Variants in TMEM87A observed in about 807,000 individuals in gnomAD.
TMEM87A encodes the protein transmembrane protein 87A.
Under a neutral mutation model 90.0 loss-of-function variants are expected in TMEM87A, and 50 were observed. The ratio of observed to expected loss-of-function variants is 0.56; its 90% CI spans 0.44 to 0.70. The LOEUF is 0.70. Among genes scored for constraint, TMEM87A ranks in the 30% least tolerant of loss-of-function variants. TMEM87A has a pLI of 0.00. For missense variants in TMEM87A, 577 were observed against 660.5 expected (o/e 0.87, Z 1.39); for synonymous variants, 226 against 226.7 (o/e 1.00, Z 0.03).
At chr15:42,264,236 C>T (rs1266999446) in intron 3 of TMEM87A, 33 bp from the exon 4 acceptor site, 3 of 1,474,336 alleles carry the variant, frequency 2.0e-6, no homozygotes, top group Non-Finnish European at 2.8e-6. Context: ...GTAGTTAACT[C>T]ACCTTCCAAA....
rs2140927140 is a variant in TMEM87A at position 42,226,695 on chromosome 15, A to G, written c.1403+111T>C. 3 of 868,742 alleles carry G rather than the reference A, an allele frequency of 3.5e-6. No homozygotes were observed. The South Asian group carries it at 4.8e-5, about 14-fold the overall frequency. 53.8% of individuals were successfully genotyped at this position (868,742 alleles called of 1,614,324 possible). The stretch of plus-strand genomic sequence containing the variant: ...ACCCAGTTCTTCTGATTCCAGGCCC[A>G]GTGTTCCTTCCACTATATGACACAG... On this transcript the variant is annotated intron_variant, in intron 15 of 19. Coordinates refer to ENST00000389834, the MANE Select transcript of TMEM87A (RefSeq NM_015497.5).
In TMEM87A at chr15:42,233,268, G is replaced by A. The variant is rs1306128115; in HGVS notation, c.1007C>T (p.Ala336Val). The change falls in exon 11 of 20, where the codon GCA becomes GTA. Residue 336 changes from alanine (A) to valine (V), a missense_variant. Coordinates refer to ENST00000389834, the MANE Select transcript of TMEM87A (RefSeq NM_015497.5). ...LGVTLHKVVV[A>V]GALYLLFSGM... ...AGAGAACAAAAGATAGAGGGCTCCT[G>A]CTACTACAACCTTATGAAGAGTGAC... 5.0e-6 allele frequency: 8 copies of A among 1,613,892 alleles called. No individual in the cohort carries two copies. The highest frequency in any genetic ancestry group is 6.8e-6 in the Non-Finnish European group (8 of 1,179,992).
chr15:42,220,196 G>C lies in TMEM87A; in HGVS notation c.1404-61C>G, dbSNP rs1595707155. 18 of 1,273,942 alleles carry C rather than the reference G, an allele frequency of 1.4e-5. No homozygotes were observed. The East Asian group carries it at 4.3e-4, about 30-fold the overall frequency. The allele number at this position is 1,273,942 out of a possible 1,614,324, so 78.9% of individuals were successfully genotyped here. On this transcript the variant is annotated intron_variant, in intron 15 of 19. Coordinates refer to ENST00000389834, the MANE Select transcript of TMEM87A (RefSeq NM_015497.5). ...GAAAACTTCAAAAACTGCTATACCA[G>C]TTGCATTTTACAAAACTAATTATTG...
At chr15:42,219,776 C>T (rs1197080631) in intron 16 of TMEM87A, 134 bp from the exon 17 acceptor site, 10 of 687,506 alleles carry the variant, frequency 1.5e-5, no homozygotes, top group Non-Finnish European at 2.4e-5. Flanking sequence ...TTTTAAGCTT[C>T]CTAATACTTG....
At chr15:42,258,503 T>A in intron 6 of TMEM87A, 1 of 386,908 alleles carries the variant, frequency 2.6e-6, no homozygotes, top group Non-Finnish European at 3.6e-6. Context: ...CTCAGCTCAC[T>A]GCAGCCTCCA....
At chr15:42,227,487 A>G (rs1445433679) in intron 14 of TMEM87A, 2 of 439,036 alleles carry the variant, frequency 4.6e-6, no homozygotes, top group Admixed American at 3.9e-5. Context: ...ATTCTCTCCC[A>G]AAACTGGGAG....
chr15:42,246,302 G>GTT (rs201536145), intron 6 of TMEM87A, among the ~76,000 whole-genome samples: 2 of 150,858 alleles, frequency 1.3e-5, no homozygotes, highest in Non-Finnish European at 3.0e-5. Flanking sequence ...AAGTTTTGTT[G>GTT]TTTTTTTTTA....
chr15:42,224,739 T>A (rs2050558579), intron 15 of TMEM87A, among the ~76,000 whole-genome samples: 1 of 152,226 alleles, frequency 6.6e-6, no homozygotes, highest in Non-Finnish European at 1.5e-5. Flanking sequence ...TGAAAATGAA[T>A]GAGTTCAGTT....
At chr15:42,221,313 G>A (rs538421989) in intron 15 of TMEM87A, among the ~76,000 whole-genome samples, 18 of 149,466 alleles carry the variant, frequency 1.2e-4, no homozygotes, top group African/African-American at 4.2e-4. Flanking sequence ...GAGAGAGACA[G>A]AGAGAGAGAG....
intron 6 of TMEM87A, among the ~76,000 whole-genome samples, chr15:42,246,123 G>A (rs537896415): frequency 1.3e-5 from 2 of 152,128 alleles, no homozygotes; most frequent in East Asian, 3.9e-4. Flanking sequence ...CATCTATTAC[G>A]GACATTTCAT....
At chr15:42,264,017 T>C (rs2051348054) in intron 4 of TMEM87A, 73 bp downstream of exon 4, 1 of 1,174,540 alleles carries the variant, frequency 8.5e-7, no homozygotes, top group Non-Finnish European at 1.2e-6. Context: ...AAGTCGGAAG[T>C]GGATACAGCC....
intron 13 of TMEM87A, 127 bp from the exon 14 acceptor site, chr15:42,227,896 G>T: frequency 1.3e-6 from 1 of 746,652 alleles, no homozygotes; most frequent in Non-Finnish European, 2.3e-6. Flanking sequence ...AACTCTATCA[G>T]TTATTTTAAC....
At chr15:42,273,225 G>A (rs775232794) in intron 1 of TMEM87A, 30 bp downstream of exon 1, 13 of 1,612,804 alleles carry the variant, frequency 8.1e-6, no homozygotes, top group Non-Finnish European at 1.0e-5. Flanking sequence ...TGCTCCTCTA[G>A]GTTCAGACGT....
At chr15:42,238,773 A>T (rs1156816078) in intron 8 of TMEM87A, among the ~76,000 whole-genome samples, 1 of 147,508 alleles carries the variant, frequency 6.8e-6, no homozygotes, top group Non-Finnish European at 1.5e-5. Context: ...TTTTTTAAAG[A>T]AGGAGCTATT....
intron 10 of TMEM87A, among the ~76,000 whole-genome samples, chr15:42,234,606 C>T (rs933894086): frequency 6.6e-5 from 10 of 152,188 alleles, no homozygotes; most frequent in African/African-American, 2.4e-4. Flanking sequence ...AAACAACTAA[C>T]CTTAATCCTA....
chr15:42,273,218 T>G (rs776947137), intron 1 of TMEM87A, 37 bp downstream of exon 1: 1 of 1,610,642 alleles, frequency 6.2e-7, no homozygotes, highest in Non-Finnish European at 8.5e-7. Context: ...CACCCCTTGC[T>G]CCTCTAGGTT....
At chr15:42,235,205 A>C (rs1206048794) in intron 10 of TMEM87A, among the ~76,000 whole-genome samples, 3 of 152,074 alleles carry the variant, frequency 2.0e-5, no homozygotes, top group African/African-American at 7.2e-5. Context: ...CAGCCGGCTA[A>C]TTTTTTGTAT....
chr15:42,243,291 A>AATAC (rs2050907143), intron 7 of TMEM87A, among the ~76,000 whole-genome samples: 1 of 89,234 alleles, frequency 1.1e-5, no homozygotes, highest in African/African-American at 3.3e-5. Flanking sequence ...TAAATAAATA[A>AATAC]ATAAATAAAT....
At chr15:42,237,311 A>G in intron 9 of TMEM87A, 121 bp downstream of exon 9, 1 of 930,906 alleles carries the variant, frequency 1.1e-6, no homozygotes, top group Non-Finnish European at 1.6e-6. Flanking sequence ...TCTGCTTAAG[A>G]TATTGTAATA....
Sources: allele counts gnomAD v4.1 joint callset (sites outside exome capture counted in the v4.1 genomes callset), GRCh38; gene constraint gnomAD v4.1.1; transcripts MANE v1.5; gene names NCBI Gene and HGNC (gene_info 2026-07-23, HGNC 2026-07-21).